The following GPHN variants were observed in gnomAD, a reference collection of about 807,000 sequenced individuals.
GPHN encodes gephyrin.
GPHN carries 17 observed loss-of-function variants against 95.5 expected under a neutral mutation model. That is an observed-to-expected ratio of 0.18 (90% CI 0.12 to 0.27). The LOEUF is 0.27. GPHN is among the 10% of genes least tolerant of loss of function. The probability of loss-of-function intolerance (pLI) is 1.00; values close to 1 mark genes in which losing one functional copy is unlikely to be tolerated. For missense variants in GPHN, 660 were observed against 978.1 expected (o/e 0.67, Z 4.34); for synonymous variants, 320 against 322.5 (o/e 0.99, Z 0.08).
the GPHN span, among the ~76,000 whole-genome samples, chr14:67,464,524 C>A: frequency 6.6e-6 from 1 of 152,066 alleles, no homozygotes; most frequent in Non-Finnish European, 1.5e-5. Flanking sequence ...GCCCCCACCA[C>A]GCAGCAGCCA....
At chr14:67,320,804 G>A in the GPHN span, among the ~76,000 whole-genome samples, 23 of 152,220 alleles carry the variant, frequency 1.5e-4, no homozygotes, top group Non-Finnish European at 2.4e-4. Flanking sequence ...GCAGGATGAA[G>A]TAACTTGAAG....
the GPHN span, among the ~76,000 whole-genome samples, chr14:67,420,069 A>C: frequency 6.6e-6 from 1 of 152,242 alleles, no homozygotes; most frequent in African/African-American, 2.4e-5. Flanking sequence ...ACCCTGGAAA[A>C]TCCCTGAACC....
At chr14:67,639,948 A>C in the GPHN span, among the ~76,000 whole-genome samples, 1 of 150,504 alleles carries the variant, frequency 6.6e-6, no homozygotes, top group East Asian at 2.0e-4. Flanking sequence ...AAAAAAAAAA[A>C]AGTCTGTGCA....
chr14:67,079,745 T>C (rs983684747), intron 11 of GPHN, among the ~76,000 whole-genome samples: 1 of 152,062 alleles, frequency 6.6e-6, no homozygotes, highest in African/African-American at 2.4e-5. Context: ...TCTCTATCCA[T>C]TAAATAACTC....
At chr14:67,674,495 AGGCCGCG>A in the GPHN span, 1 of 1,596,436 alleles carries the variant, frequency 6.3e-7, no homozygotes, top group Admixed American at 1.7e-5. Flanking sequence ...GCCATGGCGC[AGGCCGCG>A]CTGGAGCAGC....
At chr14:67,239,384 G>A in the GPHN span, among the ~76,000 whole-genome samples, 2 of 152,140 alleles carry the variant, frequency 1.3e-5, no homozygotes, top group Non-Finnish European at 2.9e-5. Context: ...CTACTGGCAC[G>A]TAGTGGGTAG....
At chr14:66,979,052 A>G (rs6573740) in intron 9 of GPHN, among the ~76,000 whole-genome samples, 45,879 of 152,114 alleles carry the variant, frequency 0.3, 11,306 homozygotes, top group African/African-American at 0.66. Context: ...TTAGTAAACC[A>G]TGCTGCAAAA....
the GPHN span, among the ~76,000 whole-genome samples, chr14:67,450,617 T>C: frequency 8.8e-3 from 1,346 of 152,318 alleles, 7 homozygotes; most frequent in Non-Finnish European, 0.013. Context: ...TTGTGGAACT[T>C]TGAACTTGAG....
chr14:66,993,245 C>T (rs528624181), intron 9 of GPHN, among the ~76,000 whole-genome samples: 2 of 152,042 alleles, frequency 1.3e-5, no homozygotes, highest in Non-Finnish European at 2.9e-5. Flanking sequence ...TCTCTCTTCA[C>T]ATAGATTTCC....
At chr14:67,285,695 T>C in the GPHN span, among the ~76,000 whole-genome samples, 1 of 152,220 alleles carries the variant, frequency 6.6e-6, no homozygotes, top group South Asian at 2.1e-4. Flanking sequence ...TGTTTACCCT[T>C]ATAACCAAAA....
intron 9 of GPHN, among the ~76,000 whole-genome samples, chr14:66,992,803 A>G (rs1191083011): frequency 1.3e-5 from 2 of 152,156 alleles, no homozygotes; most frequent in South Asian, 2.1e-4. Context: ...AGAACATTTT[A>G]TGGCATGTGA....
chr14:67,595,135 TA>T, the GPHN span, among the ~76,000 whole-genome samples: 109,244 of 151,378 alleles, frequency 0.72, 40,685 homozygotes, highest in Middle Eastern at 0.83. Flanking sequence ...AGACTCCGTC[TA>T]AAAAAAATAA....
intron 1 of GPHN, among the ~76,000 whole-genome samples, chr14:66,530,939 T>G (rs1475914463): frequency 6.6e-6 from 1 of 150,770 alleles, no homozygotes; most frequent in Non-Finnish European, 1.5e-5. Context: ...ACTGTTTTCT[T>G]GTTTGTTTGT....
At chr14:67,124,417 A>G (rs2079183042) in intron 17 of GPHN, among the ~76,000 whole-genome samples, 1 of 152,156 alleles carries the variant, frequency 6.6e-6, no homozygotes, top group Admixed American at 6.5e-5. Flanking sequence ...CCTCGTCCTA[A>G]GAAGGGAAAG....
At chr14:67,353,000 T>A in the GPHN span, 4 of 1,614,114 alleles carry the variant, frequency 2.5e-6, no homozygotes, top group Admixed American at 6.7e-5. Flanking sequence ...TTTCGACCTG[T>A]CTGTGCTCCC....
At chr14:67,619,122 G>T in the GPHN span, among the ~76,000 whole-genome samples, 1 of 152,144 alleles carries the variant, frequency 6.6e-6, no homozygotes, top group Non-Finnish European at 1.5e-5. Flanking sequence ...GTAACCTGTG[G>T]TATAGAATTG....
chr14:67,400,775 A>G, the GPHN span, among the ~76,000 whole-genome samples: 1 of 151,964 alleles, frequency 6.6e-6, no homozygotes. Flanking sequence ...ATCACTTGAG[A>G]CCAGGAGTTT....
chr14:67,017,108 G>A, intron 9 of GPHN, among the ~76,000 whole-genome samples: 1 of 152,040 alleles, frequency 6.6e-6, no homozygotes, highest in Non-Finnish European at 1.5e-5. Flanking sequence ...TTATCATGCT[G>A]CCTTTCATGT....
the GPHN span, among the ~76,000 whole-genome samples, chr14:67,512,118 C>T: frequency 7.2e-5 from 11 of 152,190 alleles, no homozygotes; most frequent in African/African-American, 2.7e-4. Flanking sequence ...TACTCGGGTA[C>T]TTGATTTTAA....
Sources: allele counts gnomAD v4.1 joint callset (sites outside exome capture counted in the v4.1 genomes callset), GRCh38; gene constraint gnomAD v4.1.1; transcripts MANE v1.5; gene names NCBI Gene and HGNC (gene_info 2026-07-23, HGNC 2026-07-21).